Variants in MALT1 observed in about 807,000 individuals in gnomAD.
MALT1 encodes mucosa-associated lymphoid tissue lymphoma translocation protein 1.
A neutral mutation model predicts 85.5 loss-of-function variants in MALT1; 36 were observed. The observed-to-expected ratio is 0.42, with a 90% CI of 0.32 to 0.56. The LOEUF (loss-of-function observed/expected upper bound fraction) is 0.56, where lower values mean the gene tolerates loss of function less well. MALT1 is among the 20% of genes least tolerant of loss of function. The probability of loss-of-function intolerance (pLI) is 0.10; values close to 1 mark genes in which losing one functional copy is unlikely to be tolerated. For missense variants in MALT1, 716 were observed against 981.6 expected (o/e 0.73, Z 3.62); for synonymous variants, 359 against 361.3 (o/e 0.99, Z 0.07).
At chr18:58,702,259 C>T (rs1212671128) in intron 4 of MALT1, among the ~76,000 whole-genome samples, 1 of 151,088 alleles carries the variant, frequency 6.6e-6, no homozygotes, top group Non-Finnish European at 1.5e-5. Flanking sequence ...TGGTGCACAC[C>T]TGTAGTCGCA....
At chr18:58,687,477 A>G (rs1050438457) in intron 2 of MALT1, among the ~76,000 whole-genome samples, 1 of 152,222 alleles carries the variant, frequency 6.6e-6, no homozygotes, top group African/African-American at 2.4e-5. Context: ...CTTTGGTTAT[A>G]TACTGGGGGA....
rs2054158517 is a variant in MALT1 at position 58,671,541 on chromosome 18, C to T, written c.-103C>T. ...CCGCGCTGCCAGATTTGTTCTTCCG[C>T]CCCTGCCTCCGCGGCTCGGAGGCGA... On this transcript the variant is annotated 5_prime_UTR_variant, in exon 1 of 17. Coordinates refer to ENST00000649217, the MANE Select transcript of MALT1 (RefSeq NM_006785.4). The T allele has an allele frequency of 1.4e-6, 1 of 710,950 alleles. No homozygotes were observed. The highest frequency in any genetic ancestry group is 7.3e-5 in the South Asian group (1 of 13,624). The allele number at this position is 710,950 out of a possible 1,614,324, so 44.0% of individuals were successfully genotyped here.
intron 10 of MALT1, 36 bp downstream of exon 10, chr18:58,723,287 C>T: frequency 6.8e-7 from 1 of 1,476,260 alleles, no homozygotes; most frequent in Non-Finnish European, 9.4e-7. Flanking sequence ...TACAATTATC[C>T]ATTATTCTTT....
chr18:58,731,578 T>C (rs1011948313), intron 10 of MALT1, among the ~76,000 whole-genome samples: 1 of 152,260 alleles, frequency 6.6e-6, no homozygotes, highest in Non-Finnish European at 1.5e-5. Context: ...CTGCCCATAA[T>C]CTACCTCGCT....
At position 58,714,061 on chromosome 18, in the gene MALT1, A is replaced by G. The variant is rs1290133050; in HGVS notation, c.959-22A>G. 11 of 1,145,544 alleles carry G rather than the reference A, an allele frequency of 9.6e-6. 1 individual carries two copies. The East Asian group carries it at 2.7e-4, about 28-fold the overall frequency. The allele number at this position is 1,145,544 out of a possible 1,614,324, so 71.0% of individuals were successfully genotyped here. A position where few individuals can be genotyped will look rare whatever the true frequency, so the allele number is the denominator to read the frequency against. On this transcript the variant is annotated intron_variant, in intron 7 of 16. Coordinates refer to ENST00000649217, the MANE Select transcript of MALT1 (RefSeq NM_006785.4). ...AATTGGTGTTTAGATTACTTAATCT[A>G]TTTTCTCTTACTTTGTTTTAGATGA... is the stretch of plus-strand genomic sequence containing the variant.
At chr18:58,725,468 GAT>G (rs1053910245) in intron 10 of MALT1, among the ~76,000 whole-genome samples, 1 of 152,136 alleles carries the variant, frequency 6.6e-6, no homozygotes, top group African/African-American at 2.4e-5. Flanking sequence ...AAGTCTTTCG[GAT>G]AAAGGATACT....
At chr18:58,689,258 TAAAA>T (rs11421834) in intron 2 of MALT1, among the ~76,000 whole-genome samples, 1 of 143,978 alleles carries the variant, frequency 6.9e-6, no homozygotes, top group Non-Finnish European at 1.5e-5. Flanking sequence ...TTTTACAATG[TAAAA>T]AAAAAAAAAA....
chr18:58,680,792 G>A (rs935243707), intron 1 of MALT1, among the ~76,000 whole-genome samples: 4 of 151,688 alleles, frequency 2.6e-5, no homozygotes, highest in Non-Finnish European at 2.9e-5. Context: ...GCGCGGTGGC[G>A]GGCGCCTGTA....
At chr18:58,685,540 A>G (rs929197630) in intron 2 of MALT1, among the ~76,000 whole-genome samples, 1 of 152,176 alleles carries the variant, frequency 6.6e-6, no homozygotes, top group Non-Finnish European at 1.5e-5. Context: ...TAACTAGAGC[A>G]GTTTCTGTGA....
chr18:58,699,471 G>A (rs1335582332), intron 3 of MALT1, among the ~76,000 whole-genome samples: 1 of 152,212 alleles, frequency 6.6e-6, no homozygotes, highest in Non-Finnish European at 1.5e-5. Context: ...GTAACTTGGG[G>A]TTTGGAGAGG....
chr18:58,737,812 G>A (rs993166201), intron 13 of MALT1, among the ~76,000 whole-genome samples: 4 of 152,086 alleles, frequency 2.6e-5, no homozygotes, highest in Non-Finnish European at 4.4e-5. Flanking sequence ...CGAACTCCTG[G>A]CCTCAAGTGA....
Position 58,748,700 on chromosome 18 carries a change from T to A in MALT1, c.*858T>A, listed in dbSNP as rs1304620339. 1 of 194,326 alleles carries A rather than the reference T, an allele frequency of 5.1e-6. No individual in the cohort carries two copies. The highest frequency in any genetic ancestry group is 6.1e-5 in the Admixed American group (1 of 16,416). The allele number at this position is 194,326 out of a possible 1,614,324, so 12.0% of individuals were successfully genotyped here. ...TTCTTCTTGAATTTCACTGGCCTAA[T>A]GAGATAATACTCTTATCTTTGGCTC... On this transcript the variant is annotated 3_prime_UTR_variant, in exon 17 of 17. Transcript: ENST00000649217.
rs2055209157 is a variant in MALT1, at chr18:58,735,349, G to C, written c.1603+20G>C. ...CAGAAGGTAAAATAAAAAATAAAGA[G>C]AAAAGTACTCAGAAAAAGGAGAGCA... On this transcript the variant is annotated intron_variant, in intron 13 of 16. Coordinates refer to ENST00000649217, the MANE Select transcript of MALT1 (RefSeq NM_006785.4). The C allele has an allele frequency of 1.9e-6, 3 of 1,583,962 alleles. No individual in the cohort carries two copies. Among genetic ancestry groups the C allele is most frequent in the East Asian group, 4.5e-5 (2 of 44,614 alleles).
At chr18:58,731,002 G>A (rs556129092) in intron 10 of MALT1, among the ~76,000 whole-genome samples, 1 of 152,080 alleles carries the variant, frequency 6.6e-6, no homozygotes, top group East Asian at 1.9e-4. Flanking sequence ...CCAGGCTGGA[G>A]TGCTAGTGGC....
intron 2 of MALT1, among the ~76,000 whole-genome samples, chr18:58,686,278 C>T (rs994993903): frequency 2.0e-5 from 3 of 152,204 alleles, no homozygotes; most frequent in Admixed American, 6.5e-5. Context: ...CCGTCCGCCT[C>T]GGCCTCCCAA....
At chr18:58,699,920 G>T (rs983431123) in intron 3 of MALT1, among the ~76,000 whole-genome samples, 2 of 152,202 alleles carry the variant, frequency 1.3e-5, no homozygotes, top group African/African-American at 4.8e-5. Flanking sequence ...GAAGGAGATT[G>T]GATATTGTTT....
chr18:58,733,365 A>G, intron 10 of MALT1, 32 bp from the exon 11 acceptor site: 2 of 1,429,048 alleles, frequency 1.4e-6, no homozygotes, highest in Non-Finnish European at 1.9e-6. Flanking sequence ...TAGAATTGAC[A>G]TCTATCTCTC....
At chr18:58,686,657 C>T (rs1270019502) in intron 2 of MALT1, among the ~76,000 whole-genome samples, 1 of 152,180 alleles carries the variant, frequency 6.6e-6, no homozygotes, top group Non-Finnish European at 1.5e-5. Flanking sequence ...GGCACCTTTT[C>T]CATTTGCCTC....
chr18:58,678,372 T>C (rs776215005), intron 1 of MALT1, among the ~76,000 whole-genome samples: 2 of 152,240 alleles, frequency 1.3e-5, no homozygotes, highest in Admixed American at 6.5e-5. Flanking sequence ...ACAATTATGA[T>C]TGAAATTCAT....
Sources: gnomAD v4.1 joint callset for allele counts (sites outside exome capture counted in the v4.1 genomes callset) on GRCh38, gnomAD v4.1.1 for gene constraint, MANE v1.5 for transcripts, NCBI Gene and HGNC (gene_info 2026-07-23, HGNC 2026-07-21) for gene names.